The following TTYH1 variants were observed in gnomAD, a reference collection of about 807,000 sequenced individuals.
TTYH1 encodes tweety family member 1.
In TTYH1, 33 loss-of-function variants were observed where a neutral mutation model predicts 61.2. That is an observed-to-expected ratio of 0.54 (90% CI 0.41 to 0.72). The LOEUF is 0.72. TTYH1 is among the 30% of genes least tolerant of loss of function. The pLI, the probability that TTYH1 is intolerant of heterozygous loss-of-function variation, is 0.00. For missense variants in TTYH1, 538 were observed against 575.8 expected (o/e 0.93, Z 0.67); for synonymous variants, 308 against 266.4 (o/e 1.16, Z -1.52).
Position 54,416,573 on chromosome 19 carries a change from C to T in TTYH1, c.126+895C>T. On this transcript the variant is annotated intron_variant, in intron 1 of 13. Transcript: ENST00000376530. This position sits in a 1 kb window ranked among gnomAD's most constrained non-coding sequence, Gnocchi z 7.0. ...CCTGGCCCTGCTGATGGGGCCTGAG[C>T]CCCTGGGCTCCGTCTTGGGTTGCTC... 2.6e-6 allele frequency: 1 copy of T among 378,300 alleles called. No individual in the cohort carries two copies. Among genetic ancestry groups the T allele is most frequent in the Non-Finnish European group, 4.8e-6 (1 of 209,960 alleles). 23.4% of individuals were successfully genotyped at this position (378,300 alleles called of 1,614,324 possible). A position where few individuals can be genotyped will look rare whatever the true frequency, so the allele number is the denominator to read the frequency against.
In TTYH1 at chr19:54,419,549, A is replaced by G. The variant is rs1019769599; in HGVS notation, c.305+243A>G. On this transcript the variant is annotated intron_variant, in intron 2 of 13. Transcript: ENST00000376530. This position sits in a 1 kb window ranked among gnomAD's most constrained non-coding sequence, Gnocchi z 6.1. ...AATCAAGGGCAGCCATCTGGTGAGAAGGCGCAGGGGCAGTCAGATGGCCTG... is the reference window on the plus strand; with the variant it reads ...AATCAAGGGCAGCCATCTGGTGAGAGGGCGCAGGGGCAGTCAGATGGCCTG... 5.9e-5 allele frequency: 41 copies of G among 696,456 alleles called. No homozygotes were observed. Among genetic ancestry groups the G allele is most frequent in the Non-Finnish European group, 1.1e-4 (41 of 382,624 alleles). The allele number at this position is 696,456 out of a possible 1,614,324, so 43.1% of individuals were successfully genotyped here.
rs765576262 is a variant in TTYH1, at chr19:54,431,094, C to T, written c.1033-5C>T. The stretch of plus-strand genomic sequence containing the variant: ...GTGGGAAAACGACCCCTCCTCGCCC[C>T]GCAGAAGCCTCTGCTGTCCTTGGAG... On this transcript the variant is annotated splice_polypyrimidine_tract_variant and splice_region_variant and intron_variant, in intron 9 of 13. Transcript: ENST00000376530. 6.2e-7 allele frequency: 1 copy of T among 1,610,966 alleles called. No individual in the cohort carries two copies. Among genetic ancestry groups the T allele is most frequent in the Non-Finnish European group, 8.5e-7 (1 of 1,177,178 alleles).
intron 12 of TTYH1, 72 bp downstream of exon 12, chr19:54,435,945 T>C (rs1343502659): frequency 6.3e-7 from 1 of 1,592,654 alleles, no homozygotes; most frequent in African/African-American, 1.4e-5. Flanking sequence ...GAGGAGGAGC[T>C]GAGGGCCTGG....
Position 54,419,329 on chromosome 19 carries a change from G to A in TTYH1, c.305+23G>A, listed in dbSNP as rs374613293. ...CTGGTAATGGGGCCCCAGGGTGGGT[G>A]GGCGGTGGGGACAGGGCTCCCCAAG... On this transcript the variant is annotated intron_variant, in intron 2 of 13. Coordinates refer to ENST00000376530, the MANE Select transcript of TTYH1 (RefSeq NM_020659.4). The surrounding 1 kb of genome is among the most constrained non-coding windows in gnomAD (Gnocchi z 6.1). 3 of 1,582,638 alleles carry A rather than the reference G, an allele frequency of 1.9e-6. No homozygotes were observed. The African/African-American group carries it at 4.0e-5, about 21-fold the overall frequency.
Position 54,430,466 on chromosome 19 carries a change from A to G in TTYH1, c.884-84A>G. 5 of 1,476,256 alleles carry G rather than the reference A, an allele frequency of 3.4e-6. No homozygotes were observed. In the South Asian group the frequency reaches 4.5e-5, roughly 13 times the overall value. 91.4% of individuals were successfully genotyped at this position (1,476,256 alleles called of 1,614,324 possible). ...CTGGGCTGAGGCCCCTAACCCTGCT[A>G]ACCCCCCAGTGCCCGGCCTTCCCCC... is the stretch of plus-strand genomic sequence containing the variant. On this transcript the variant is annotated intron_variant, in intron 7 of 13. Coordinates refer to ENST00000376530, the MANE Select transcript of TTYH1 (RefSeq NM_020659.4).
Position 54,435,562 on chromosome 19 carries a change from GGGCCTGTGCGAAGACGCCCTGGAA to G in TTYH1, c.1153_1176del (p.Cys385_Leu392del). The stretch of plus-strand genomic sequence containing the variant: ...CTCAGGACTATGGTGCAGCCCTGCG[GGGCCTGTGCGAAGACGCCCTGGAA>G]GGCCTGCTCTTCCTGCTACTCTTCT... On this transcript the variant is annotated inframe_deletion, in exon 11 of 14. Transcript: ENST00000376530. The G allele has an allele frequency of 6.2e-7, 1 of 1,606,830 alleles. No homozygotes were observed. The highest frequency in any genetic ancestry group is 8.5e-7 in the Non-Finnish European group (1 of 1,178,328).
chr19:54,433,711 T>TA (rs60617442), intron 10 of TTYH1: 80,323 of 145,360 alleles, frequency 0.55, 24,560 homozygotes, highest in East Asian at 0.7. Flanking sequence ...CCATCTCTAT[T>TA]AAAAAAAAAA....
chr19:54,429,311 A>G lies in TTYH1; in HGVS notation c.739A>G (p.Thr247Ala). Residue 247 changes from threonine to alanine, a missense_variant, in exon 6 of 14, where the codon ACA (threonine) becomes GCA (alanine). Physicochemically the swap from Thr to Ala is moderately conservative, Grantham distance 58. Around this residue, in one of 3 missense-constraint regions of TTYH1, gnomAD observed 378 missense variants for 401.2 expected, o/e 0.94. Coordinates refer to ENST00000376530, the MANE Select transcript of TTYH1 (RefSeq NM_020659.4). This position sits in a 1 kb window ranked among gnomAD's most constrained non-coding sequence, Gnocchi z 5.1. ...ATCCTCCCTCCCCCACTCTAGGATG[A>G]CAGTCATGAGTCTCCTGGTTCTCGT... ...KQSKWLVIVM[T>A]VMSLLVLVLS... is the part of the protein sequence containing the mutation. The G allele has an allele frequency of 6.2e-7, 1 of 1,614,068 alleles. No individual in the cohort carries two copies. Among genetic ancestry groups the G allele is most frequent in the Non-Finnish European group, 8.5e-7 (1 of 1,179,970 alleles).
Position 54,424,075 on chromosome 19 carries a change from C to G in TTYH1, c.638+1665C>G, listed in dbSNP as rs540534505. On this transcript the variant is annotated intron_variant, in intron 4 of 13. Transcript: ENST00000376530. ...ACTTGGGAGGCTGAGACAGGAGAAT[C>G]GCTTGAACCCAGGAAGTGGAGCTTG... Among the ~76,000 whole-genome samples, 92 of 152,022 alleles carry G rather than the reference C, an allele frequency of 6.1e-4. 1 individual carries two copies. The highest frequency in any genetic ancestry group is 8.7e-4 in the Non-Finnish European group (59 of 67,996).
At chr19:54,431,239 C>G (rs1357817517) in intron 10 of TTYH1, 48 bp downstream of exon 10, 1 of 1,383,314 alleles carries the variant, frequency 7.2e-7, no homozygotes, top group East Asian at 2.3e-5. Context: ...GGGCCTCTGT[C>G]TCGACCCACA....
chr19:54,429,280 G>C lies in TTYH1; in HGVS notation c.735-27G>C, dbSNP rs772519908. On this transcript the variant is annotated intron_variant, in intron 5 of 13. Coordinates refer to ENST00000376530, the MANE Select transcript of TTYH1 (RefSeq NM_020659.4). This position sits in a 1 kb window ranked among gnomAD's most constrained non-coding sequence, Gnocchi z 5.1. ...GCTAGGCTAGGAGATTAAGAACCCC[G>C]GGCTGATCCTCCCTCCCCCACTCTA... 1 of 1,610,096 alleles carries C rather than the reference G, an allele frequency of 6.2e-7. No individual in the cohort carries two copies.
intron 10 of TTYH1, 26 bp from the exon 11 acceptor site, chr19:54,435,516 A>G (rs762457898): frequency 2.7e-5 from 42 of 1,570,702 alleles, no homozygotes; most frequent in Non-Finnish European, 3.4e-5. Flanking sequence ...GTGGGGACGC[A>G]TGGCCTGATG....
At chr19:54,426,915 G>A (rs2083331582) in intron 5 of TTYH1, 147 bp downstream of exon 5, 1 of 669,700 alleles carries the variant, frequency 1.5e-6, no homozygotes, top group Non-Finnish European at 2.5e-6. Flanking sequence ...CAGCCCAGGA[G>A]GGAGGCGGGG....
chr19:54,433,151 G>A (rs1410728976), intron 10 of TTYH1: 1 of 152,182 alleles, frequency 6.6e-6, no homozygotes, highest in Non-Finnish European at 1.5e-5. Flanking sequence ...GTGGAGGGAG[G>A]GAAGGGAAGG....
rs1000303252 is a variant in TTYH1, at chr19:54,416,680, T to A, written c.126+1002T>A. On this transcript the variant is annotated intron_variant, in intron 1 of 13. Coordinates refer to ENST00000376530, the MANE Select transcript of TTYH1 (RefSeq NM_020659.4). The surrounding 1 kb of genome is among the most constrained non-coding windows in gnomAD (Gnocchi z 7.0). Reference sequence around the variant, plus strand: ...AAGCGCGGAGGGGATGAGTGCTGTGTTCTGAGCTATTTGGGTCACGGCTGG... The same window carrying A: ...AAGCGCGGAGGGGATGAGTGCTGTGATCTGAGCTATTTGGGTCACGGCTGG... 2 of 1,173,910 alleles carry A rather than the reference T, an allele frequency of 1.7e-6. No individual in the cohort carries two copies. The highest frequency in any genetic ancestry group is 2.2e-6 in the Non-Finnish European group (2 of 892,644). The allele number at this position is 1,173,910 out of a possible 1,614,324, so 72.7% of individuals were successfully genotyped here.
At chr19:54,427,598 C>T (rs1196202035) in intron 5 of TTYH1, among the ~76,000 whole-genome samples, 1 of 114,742 alleles carries the variant, frequency 8.7e-6, no homozygotes, top group East Asian at 2.5e-4. Flanking sequence ...AGTGAGACTC[C>T]ATTTCAAAAA....
chr19:54,417,619 C>G (rs1412099024), intron 1 of TTYH1, among the ~76,000 whole-genome samples: 4 of 108,338 alleles, frequency 3.7e-5, no homozygotes, highest in Admixed American at 9.0e-5. Context: ...TACAAGCACA[C>G]ACTGCACTTA....
intron 5 of TTYH1, among the ~76,000 whole-genome samples, chr19:54,427,115 G>A (rs1035207979): frequency 6.6e-6 from 1 of 151,602 alleles, no homozygotes; most frequent in African/African-American, 2.4e-5. Context: ...TGACCAACAT[G>A]GAGAAACCCT....
In TTYH1 at chr19:54,419,256, C is replaced by G; in HGVS notation, c.255C>G (p.Pro85=). 3 of 1,524,144 alleles carry G rather than the reference C, an allele frequency of 2.0e-6. No homozygotes were observed. Among genetic ancestry groups the G allele is most frequent in the Non-Finnish European group, 2.7e-6 (3 of 1,129,012 alleles). 94.4% of individuals were successfully genotyped at this position (1,524,144 alleles called of 1,614,324 possible). ...CCCCCGGGTCCAAGATCCCCTCGCC[C>G]GGGGGAGGCTGCGTCACCTGGAGCT... is the stretch of plus-strand genomic sequence containing the variant. ...PEPPGSKIPS[P]GGGCVTWSCI... The change falls in exon 2 of 14, where the codon CCC becomes CCG. Residue 85 remains proline (P), a synonymous_variant. Coordinates refer to ENST00000376530, the MANE Select transcript of TTYH1 (RefSeq NM_020659.4). This position sits in a 1 kb window ranked among gnomAD's most constrained non-coding sequence, Gnocchi z 6.1.
Sources: allele counts gnomAD v4.1 joint callset (sites outside exome capture counted in the v4.1 genomes callset), GRCh38; gene constraint gnomAD v4.1.1; regional missense constraint gnomAD v4.1.1; non-coding constraint Gnocchi (gnomAD v3.1); transcripts MANE v1.5; gene names NCBI Gene and HGNC (gene_info 2026-07-23, HGNC 2026-07-21).